Variants in UBN2 observed in about 807,000 individuals in gnomAD.
UBN2 encodes ubinuclein 2.
UBN2 carries 35 observed loss-of-function variants against 120.2 expected under a neutral mutation model. That is an observed-to-expected ratio of 0.29 (90% CI 0.22 to 0.39). The LOEUF (loss-of-function observed/expected upper bound fraction) is 0.39, where lower values mean the gene tolerates loss of function less well. Among genes scored for constraint, UBN2 ranks in the 10% least tolerant of loss-of-function variants. The probability of loss-of-function intolerance (pLI) is 1.00; values close to 1 mark genes in which losing one functional copy is unlikely to be tolerated. For synonymous variants in UBN2, 661 were observed against 648.7 expected (o/e 1.02, Z -0.29); for missense variants, 1,693 against 1,663.2 (o/e 1.02, Z -0.31).
intron 15 of UBN2, among the ~76,000 whole-genome samples, chr7:139,291,569 G>T (rs972935503): frequency 6.6e-6 from 1 of 151,992 alleles, no homozygotes. Context: ...GAAAAATGTT[G>T]GCCAGGCATG....
At chr7:139,258,086 A>C (rs1031304035) in intron 3 of UBN2, among the ~76,000 whole-genome samples, 1 of 152,214 alleles carries the variant, frequency 6.6e-6, no homozygotes, top group Non-Finnish European at 1.5e-5. Context: ...GTTATTCTTT[A>C]TAAAATCTCC....
At chr7:139,282,096 C>A in intron 14 of UBN2, 41 bp downstream of exon 14, 1 of 1,588,276 alleles carries the variant, frequency 6.3e-7, no homozygotes, top group South Asian at 1.1e-5. Flanking sequence ...TAATATAACA[C>A]TCTAGGTTTG....
chr7:139,291,360 C>CA (rs774759708), intron 15 of UBN2, among the ~76,000 whole-genome samples: 8,188 of 42,644 alleles, frequency 0.19, 1,196 homozygotes, highest in African/African-American at 0.37. Flanking sequence ...GACTCTGTCT[C>CA]AAAAAAAAAA....
intron 17 of UBN2, 91 bp downstream of exon 17, chr7:139,294,072 CA>C: frequency 7.2e-7 from 1 of 1,381,492 alleles, no homozygotes; most frequent in Non-Finnish European, 1.0e-6. Context: ...AATGGAATGA[CA>C]AAGGTTGGAA....
At position 139,261,391 on chromosome 7, in the gene UBN2, A is replaced by T; in HGVS notation, c.1045A>T (p.Thr349Ser). ...GGAGTCTAACCCCAAAGTCCCAGTG[A>T]CCTTGTCAACCCCTTCTCTGAATAA... ...KKESNPKVPV[T>S]LSTPSLNKPP... The change falls in exon 6 of 18, where the codon ACC becomes TCC. Residue 349 changes from threonine to serine, a missense_variant. Around this residue, in one of 5 missense-constraint regions of UBN2, gnomAD observed 663 missense variants for 591.2 expected, o/e 1.12. Transcript: ENST00000473989. 1 of 1,614,184 alleles carries T rather than the reference A, an allele frequency of 6.2e-7. No individual in the cohort carries two copies. The highest frequency in any genetic ancestry group is 1.1e-5 in the South Asian group (1 of 91,078).
At chr7:139,294,958 C>T (rs1297043935) in intron 17 of UBN2, among the ~76,000 whole-genome samples, 4 of 152,220 alleles carry the variant, frequency 2.6e-5, no homozygotes, top group African/African-American at 9.6e-5. Context: ...CACTGGGCTC[C>T]AGCTTCTCGT....
chr7:139,246,026 G>A (rs938411927), intron 2 of UBN2, among the ~76,000 whole-genome samples: 6 of 152,310 alleles, frequency 3.9e-5, no homozygotes, highest in African/African-American at 1.4e-4. Context: ...GGAAATAATA[G>A]GGTATTTTCC....
intron 5 of UBN2, 83 bp downstream of exon 5, chr7:139,259,453 T>G: frequency 6.5e-7 from 1 of 1,537,166 alleles, no homozygotes; most frequent in Non-Finnish European, 8.8e-7. Context: ...TACCATTAAC[T>G]AATTCAACCT....
Position 139,284,459 on chromosome 7 carries a change from G to A in UBN2, c.3554G>A (p.Arg1185Lys). 1 of 1,614,146 alleles carries A rather than the reference G, an allele frequency of 6.2e-7. No homozygotes were observed. Among genetic ancestry groups the A allele is most frequent in the Non-Finnish European group, 8.5e-7 (1 of 1,180,034 alleles). Residue 1185 changes from arginine to lysine, a missense_variant, in exon 15 of 18, where the codon AGG (arginine) becomes AAG (lysine). By Grantham distance (26) the Arg-to-Lys change is conservative (BLOSUM62 2). Coordinates refer to ENST00000473989, the MANE Select transcript of UBN2 (RefSeq NM_173569.4). ...AACCTTAACTCAAGCGGAGCTAATA[G>A]GACTAGTCTGTCTGGGGGAACAGGA... Reference protein sequence around the residue: ...GSNLNSSGANRTSLSGGTGSG... With the variant: ...GSNLNSSGANKTSLSGGTGSG...
intron 10 of UBN2, 57 bp downstream of exon 10, chr7:139,273,467 T>A: frequency 8.7e-7 from 1 of 1,143,138 alleles, no homozygotes; most frequent in Non-Finnish European, 1.2e-6. Flanking sequence ...GATTCCTCAT[T>A]AAAAAAAAAT....
At chr7:139,234,165 C>T (rs1796103375) in intron 1 of UBN2, among the ~76,000 whole-genome samples, 1 of 151,996 alleles carries the variant, frequency 6.6e-6, no homozygotes, top group South Asian at 2.1e-4. Flanking sequence ...TAGAATTGGT[C>T]TGGAAAGTTG....
In UBN2 at chr7:139,283,256, C is replaced by T. The variant is rs1797669657; in HGVS notation, c.2351C>T (p.Pro784Leu). The T allele has an allele frequency of 6.2e-7, 1 of 1,613,544 alleles. No homozygotes were observed. The highest frequency in any genetic ancestry group is 1.1e-5 in the South Asian group (1 of 91,040). The change falls in exon 15 of 18, where the codon CCT becomes CTT. Residue 784 changes from proline (P) to leucine (L), a missense_variant. Physicochemically the swap from Pro to Leu is moderately conservative, Grantham distance 98. Coordinates refer to ENST00000473989, the MANE Select transcript of UBN2 (RefSeq NM_173569.4). Reference sequence around the variant, plus strand: ...GTTATCAACAATGGGAACAAGGGCCCTCCAGTTGGCTCAAGGATAAGCATG... The same window carrying T: ...GTTATCAACAATGGGAACAAGGGCCTTCCAGTTGGCTCAAGGATAAGCATG... The part of the protein sequence containing the change: ...LAVINNGNKG[P>L]PVGSRISMPT...
intron 2 of UBN2, among the ~76,000 whole-genome samples, chr7:139,239,662 G>C (rs914408063): frequency 6.8e-6 from 1 of 147,822 alleles, no homozygotes; most frequent in African/African-American, 2.5e-5. Flanking sequence ...GGTTCCAGCA[G>C]TTCTCCTGCC....
the UBN2 span, among the ~76,000 whole-genome samples, chr7:139,319,841 C>T: frequency 1.3e-5 from 2 of 151,994 alleles, no homozygotes; most frequent in East Asian, 1.9e-4. Flanking sequence ...CTTTGGGAGG[C>T]CGAGGTGGGC....
In UBN2 at chr7:139,236,842, TTA is replaced by T. The variant is rs991891763; in HGVS notation, c.469-158_469-157del. 2.6e-4 allele frequency among the ~76,000 whole-genome samples: 40 copies of T among 152,200 alleles called. 2 individuals carry two copies. The highest frequency in any genetic ancestry group is 8.4e-4 in the African/African-American group (35 of 41,530). Reference sequence around the variant, plus strand: ...AGTCTCTGAGTAATAATATAATTAATTATATAACATGTTATATATTCTCACTA... The same window carrying T: ...AGTCTCTGAGTAATAATATAATTAATTATAACATGTTATATATTCTCACTA... On this transcript the variant is annotated intron_variant, in intron 1 of 17. Transcript: ENST00000473989.
chr7:139,267,424 T>C (rs1797130925), intron 7 of UBN2, among the ~76,000 whole-genome samples: 1 of 151,840 alleles, frequency 6.6e-6, no homozygotes, highest in African/African-American at 2.4e-5. Context: ...TCATGTCGGC[T>C]ACTCAGGAGG....
intron 17 of UBN2, among the ~76,000 whole-genome samples, chr7:139,295,506 A>T (rs117725168): frequency 6.6e-6 from 1 of 152,228 alleles, no homozygotes; most frequent in Non-Finnish European, 1.5e-5. Flanking sequence ...TTGTGGCTCA[A>T]AAAGACCCCA....
the UBN2 span, among the ~76,000 whole-genome samples, chr7:139,325,920 G>C: frequency 1.8e-4 from 27 of 152,128 alleles, no homozygotes; most frequent in Non-Finnish European, 3.8e-4. Context: ...GCACCGGGCG[G>C]TGGCTCACGC....
At chr7:139,271,494 G>A (rs551894637) in intron 8 of UBN2, among the ~76,000 whole-genome samples, 4 of 151,468 alleles carry the variant, frequency 2.6e-5, no homozygotes, top group African/African-American at 9.7e-5. Flanking sequence ...GCTGAGGCAC[G>A]ATAATCACTT....
Sources: allele counts gnomAD v4.1 joint callset (sites outside exome capture counted in the v4.1 genomes callset), GRCh38; gene constraint gnomAD v4.1.1; regional missense constraint gnomAD v4.1.1; transcripts MANE v1.5; gene names NCBI Gene and HGNC (gene_info 2026-07-23, HGNC 2026-07-21).